The following CSDE1 variants were observed in gnomAD, a reference collection of about 807,000 sequenced individuals.
CSDE1 encodes cold shock domain-containing protein E1.
In CSDE1, 17 loss-of-function variants were observed where a neutral mutation model predicts 89.3. The ratio of observed to expected loss-of-function variants is 0.19; its 90% confidence interval spans 0.13 to 0.29. The LOEUF is 0.29. Among genes scored for constraint, CSDE1 ranks in the 10% least tolerant of loss-of-function variants. The probability of loss-of-function intolerance (pLI) is 1.00; values close to 1 mark genes in which losing one functional copy is unlikely to be tolerated. For missense variants in CSDE1, 672 were observed against 984.2 expected (o/e 0.68, Z 4.24); for synonymous variants, 322 against 332.8 (o/e 0.97, Z 0.35).
At chr1:114,733,642 A>C in intron 9 of CSDE1, 90 bp downstream of exon 9, 1 of 1,196,996 alleles carries the variant, frequency 8.4e-7, no homozygotes, top group Non-Finnish European at 1.2e-6. Flanking sequence ...ACATTATATT[A>C]ACTGAATAAG....
chr1:114,754,381 T>C (rs1229968173), intron 1 of CSDE1, among the ~76,000 whole-genome samples: 1 of 152,224 alleles, frequency 6.6e-6, no homozygotes, highest in Non-Finnish European at 1.5e-5. Context: ...AATGAAGAGG[T>C]TAAACTAACA....
chr1:114,732,184 T>C (rs1217898012), intron 10 of CSDE1, among the ~76,000 whole-genome samples: 2 of 152,122 alleles, frequency 1.3e-5, no homozygotes, highest in Non-Finnish European at 2.9e-5. Context: ...AGTGTCTAGA[T>C]CATGGGTGTT....
chr1:114,718,473 T>C (rs1659325541), intron 19 of CSDE1, 140 bp downstream of exon 19: 1 of 1,180,874 alleles, frequency 8.5e-7, no homozygotes. Flanking sequence ...TGAACCAATG[T>C]GTAGAAAGTC....
intron 6 of CSDE1, among the ~76,000 whole-genome samples, chr1:114,735,561 G>A (rs1466592733): frequency 6.6e-6 from 1 of 152,124 alleles, no homozygotes; most frequent in Non-Finnish European, 1.5e-5. Flanking sequence ...TATATAAATT[G>A]AGGCCTTCAG....
intron 19 of CSDE1, 69 bp downstream of exon 19, chr1:114,718,544 T>TTA (rs1173519318): frequency 1.3e-6 from 2 of 1,554,832 alleles, no homozygotes; most frequent in Non-Finnish European, 1.7e-6. Context: ...GACCTATTGT[T>TTA]TAAATAGGAC....
At chr1:114,726,860 A>G (rs1006323090) in intron 13 of CSDE1, 123 bp downstream of exon 13, 1 of 616,462 alleles carries the variant, frequency 1.6e-6, no homozygotes, top group Non-Finnish European at 2.8e-6. Flanking sequence ...ATATTCATGT[A>G]TTTCTCTTAA....
At chr1:114,754,955 A>T (rs1210568916) in intron 1 of CSDE1, among the ~76,000 whole-genome samples, 1 of 152,248 alleles carries the variant, frequency 6.6e-6, no homozygotes, top group Non-Finnish European at 1.5e-5. Flanking sequence ...AACACCACAG[A>T]CCAGCAGTTT....
chr1:114,725,894 C>CA (rs1442267650), intron 14 of CSDE1, among the ~76,000 whole-genome samples: 4 of 152,196 alleles, frequency 2.6e-5, no homozygotes, highest in Non-Finnish European at 5.9e-5. Flanking sequence ...CCTCAGCCCC[C>CA]AAAGTGCTGG....
chr1:114,731,229 A>G (rs1296524185), intron 10 of CSDE1, among the ~76,000 whole-genome samples: 1 of 151,974 alleles, frequency 6.6e-6, no homozygotes, highest in Non-Finnish European at 1.5e-5. Context: ...TCAATCTGCT[A>G]TTGTATTACA....
intron 2 of CSDE1, among the ~76,000 whole-genome samples, chr1:114,742,714 C>G (rs12087716): frequency 1.3e-5 from 2 of 152,180 alleles, no homozygotes; most frequent in Admixed American, 1.3e-4. Context: ...GTTCTTCAAC[C>G]TCCACATTAA....
chr1:114,744,617 A>G (rs1478581294), intron 2 of CSDE1, among the ~76,000 whole-genome samples: 1 of 152,034 alleles, frequency 6.6e-6, no homozygotes, highest in Non-Finnish European at 1.5e-5. Context: ...AAAAACCCCA[A>G]AACATACACA....
At chr1:114,743,452 C>T (rs1385614626) in intron 2 of CSDE1, among the ~76,000 whole-genome samples, 1 of 152,184 alleles carries the variant, frequency 6.6e-6, no homozygotes, top group African/African-American at 2.4e-5. Context: ...TGCACTGCGC[C>T]CTGGCCTCCC....
rs932351155 is a variant in CSDE1 at position 114,739,118 on chromosome 1, G to A, written c.199+574C>T. Among the ~76,000 whole-genome samples the A allele has an allele frequency of 4.1e-4, 62 of 151,562 alleles. 1 individual carries two copies. Among genetic ancestry groups the A allele is most frequent in the Admixed American group, 2.0e-4 (3 of 15,218 alleles). ...GGCATCTTGGCTTACTGCAAGCTCC[G>A]CCTCCCAGGTTCACACCATTCTCCT... On this transcript the variant is annotated intron_variant, in intron 3 of 19. Coordinates refer to ENST00000358528, the MANE Select transcript of CSDE1 (RefSeq NM_001007553.3).
intron 12 of CSDE1, chr1:114,727,846 A>T (rs1659881262): frequency 6.6e-6 from 1 of 152,184 alleles, no homozygotes; most frequent in South Asian, 2.1e-4. Context: ...AAGAAAGTTC[A>T]GGTGTGTCGT....
chr1:114,755,448 G>A (rs999017447), intron 1 of CSDE1, among the ~76,000 whole-genome samples: 2 of 152,178 alleles, frequency 1.3e-5, no homozygotes, highest in African/African-American at 4.8e-5. Flanking sequence ...CAACATAGGG[G>A]AAACTGATAA....
Position 114,724,023 on chromosome 1 carries a change from C to T in CSDE1, c.1754-21G>A, listed in dbSNP as rs1396143841. On this transcript the variant is annotated intron_variant, in intron 15 of 19. Coordinates refer to ENST00000358528, the MANE Select transcript of CSDE1 (RefSeq NM_001007553.3). ...ATTCACTACAAAACAAAGGCAGGTACATCTTTCAATTTTATTTCATCTCTA... is the reference window on the plus strand; with the variant it reads ...ATTCACTACAAAACAAAGGCAGGTATATCTTTCAATTTTATTTCATCTCTA... 6 of 1,603,852 alleles carry T rather than the reference C, an allele frequency of 3.7e-6. No homozygotes were observed. In the African/African-American group the frequency reaches 8.1e-5, roughly 22 times the overall value.
chr1:114,717,846 CTA>C lies in CSDE1; in HGVS notation c.*321_*322del, dbSNP rs370293634. On this transcript the variant is annotated 3_prime_UTR_variant, in exon 20 of 20. Coordinates refer to ENST00000358528, the MANE Select transcript of CSDE1 (RefSeq NM_001007553.3). ...TTCATAGGGCCAACAAGATAACAGT[CTA>C]TATTTTTCACTTACACAGGCAAAGT... 9 of 318,652 alleles carry C rather than the reference CTA, an allele frequency of 2.8e-5. No homozygotes were observed. The highest frequency in any genetic ancestry group is 1.3e-4 in the African/African-American group (6 of 46,556). 19.7% of individuals were successfully genotyped at this position (318,652 alleles called of 1,614,324 possible). A position where few individuals can be genotyped will look rare whatever the true frequency, so the allele number is the denominator to read the frequency against.
chr1:114,741,069 CTG>C (rs1274475277), intron 2 of CSDE1, among the ~76,000 whole-genome samples: 2 of 152,160 alleles, frequency 1.3e-5, no homozygotes, highest in Non-Finnish European at 2.9e-5. Flanking sequence ...AGCCACTGTT[CTG>C]TGTTTAACAT....
At chr1:114,728,258 G>A (rs374712515) in intron 12 of CSDE1, among the ~76,000 whole-genome samples, 8 of 152,140 alleles carry the variant, frequency 5.3e-5, no homozygotes, top group African/African-American at 1.9e-4. Flanking sequence ...GTTTGGTTAA[G>A]AACAATGTCA....
Sources: gnomAD v4.1 joint callset for allele counts (sites outside exome capture counted in the v4.1 genomes callset) on GRCh38, gnomAD v4.1.1 for gene constraint, MANE v1.5 for transcripts, NCBI Gene and HGNC (gene_info 2026-07-23, HGNC 2026-07-21) for gene names.